Variants in EXOC4 observed in about 807,000 individuals in gnomAD.
EXOC4 encodes exocyst complex component 4.
In EXOC4, 71 loss-of-function variants were observed where a neutral mutation model predicts 107.2. That is an observed-to-expected ratio of 0.66 (90% CI 0.55 to 0.81). The LOEUF is 0.81. EXOC4 is among the 30% of genes least tolerant of loss of function. The pLI is 0.00. For missense variants in EXOC4, 1,108 were observed against 1,189.6 expected, an observed-to-expected ratio of 0.93 and a Z score of 1.01; for synonymous variants, 456 against 441.2, an observed-to-expected ratio of 1.03 and a Z score of -0.42.
Position 133,592,235 on chromosome 7 carries a change from A to T in EXOC4, c.1418-37810A>T, listed in dbSNP as rs182358364. 1.3e-3 allele frequency among the ~76,000 whole-genome samples: 205 copies of T among 151,936 alleles called. 5 individuals carry two copies. The South Asian group carries it at 0.028, about 20-fold the overall frequency. On this transcript the variant is annotated intron_variant, in intron 9 of 17. Coordinates refer to ENST00000253861, the MANE Select transcript of EXOC4 (RefSeq NM_021807.4). The stretch of plus-strand genomic sequence containing the variant: ...TGCCGCCACATCCAGTGAATTTTTT[A>T]AAAAAATTTCTGTATAGATGGGGTC...
intron 7 of EXOC4, among the ~76,000 whole-genome samples, chr7:133,384,668 A>C (rs1796686491): frequency 6.6e-6 from 1 of 150,928 alleles, no homozygotes; most frequent in Non-Finnish European, 1.5e-5. Flanking sequence ...TGCCTACTTG[A>C]GAAGGTTTTA....
chr7:134,038,042 A>G (rs1164431794), intron 17 of EXOC4, among the ~76,000 whole-genome samples: 3 of 152,222 alleles, frequency 2.0e-5, no homozygotes, highest in Admixed American at 2.0e-4. Flanking sequence ...GTCAAGACCC[A>G]GTGCAATCTA....
chr7:133,990,526 T>C (rs552800104), intron 14 of EXOC4, among the ~76,000 whole-genome samples: 1 of 152,172 alleles, frequency 6.6e-6, no homozygotes. Context: ...CTCGGCTCAC[T>C]GCAACCTCCT....
intron 13 of EXOC4, among the ~76,000 whole-genome samples, chr7:133,920,034 A>G (rs1004111337): frequency 6.6e-6 from 1 of 152,202 alleles, no homozygotes; most frequent in Non-Finnish European, 1.5e-5. Context: ...GTTTCTCCAC[A>G]TTCTTGCCAA....
At chr7:133,860,159 C>G (rs1414789939) in intron 11 of EXOC4, among the ~76,000 whole-genome samples, 3 of 152,122 alleles carry the variant, frequency 2.0e-5, no homozygotes, top group Admixed American at 6.6e-5. Flanking sequence ...TGAAAAAAAT[C>G]CAAAGCCTGT....
chr7:133,265,099 A>C (rs1332138293), intron 1 of EXOC4, among the ~76,000 whole-genome samples: 1 of 151,888 alleles, frequency 6.6e-6, no homozygotes, highest in Non-Finnish European at 1.5e-5. Flanking sequence ...TCAGCTCTAG[A>C]CTCTTTTTTT....
intron 11 of EXOC4, among the ~76,000 whole-genome samples, chr7:133,872,736 T>C (rs1798775616): frequency 6.6e-6 from 1 of 152,230 alleles, no homozygotes; most frequent in South Asian, 2.1e-4. Context: ...AGAATGTGTT[T>C]CCAAATTATA....
intron 9 of EXOC4, among the ~76,000 whole-genome samples, chr7:133,498,645 T>A (rs1584960335): frequency 6.6e-6 from 1 of 152,302 alleles, no homozygotes; most frequent in Middle Eastern, 3.4e-3. Flanking sequence ...AGGTTCTAAC[T>A]GCCATCATCT....
At position 133,756,898 on chromosome 7, in the gene EXOC4, C is replaced by T. The variant is rs59938901; in HGVS notation, c.1515-60427C>T. On this transcript the variant is annotated intron_variant, in intron 10 of 17. Transcript: ENST00000253861. ...ATCTGATTATTTAGTTTAGGAGAAT[C>T]GCTGTTGTCAAAGATGGTGACTCTG... Among the ~76,000 whole-genome samples the T allele has an allele frequency of 1.9e-3, 282 of 152,180 alleles. 4 individuals carry two copies. The highest frequency in any genetic ancestry group is 6.4e-3 in the African/African-American group (267 of 41,522).
At chr7:133,509,668 G>C (rs947678663) in intron 9 of EXOC4, among the ~76,000 whole-genome samples, 15 of 152,270 alleles carry the variant, frequency 9.9e-5, no homozygotes, top group Non-Finnish European at 1.8e-4. Context: ...TCCAGCCCTG[G>C]ACTATGTACT....
chr7:133,586,731 T>C (rs1801414121), intron 9 of EXOC4, among the ~76,000 whole-genome samples: 1 of 152,236 alleles, frequency 6.6e-6, no homozygotes, highest in Admixed American at 6.5e-5. Context: ...GACATACTCA[T>C]AGTACACAGT....
intron 9 of EXOC4, among the ~76,000 whole-genome samples, chr7:133,530,441 C>G (rs964600173): frequency 3.3e-5 from 5 of 152,138 alleles, no homozygotes; most frequent in Non-Finnish European, 7.3e-5. Context: ...GAGCACACAC[C>G]TGTACAGCAT....
At chr7:133,934,383 A>G (rs977747028) in intron 13 of EXOC4, among the ~76,000 whole-genome samples, 1 of 152,154 alleles carries the variant, frequency 6.6e-6, no homozygotes, top group Non-Finnish European at 1.5e-5. Context: ...TTAGGGGGTG[A>G]TTATGGATTC....
At chr7:133,803,422 G>A (rs1796994906) in intron 10 of EXOC4, among the ~76,000 whole-genome samples, 1 of 152,126 alleles carries the variant, frequency 6.6e-6, no homozygotes, top group African/African-American at 2.4e-5. Flanking sequence ...ATTCAGCTGA[G>A]TATAACATAC....
chr7:133,555,280 A>G (rs555125147), intron 9 of EXOC4, among the ~76,000 whole-genome samples: 20 of 152,198 alleles, frequency 1.3e-4, no homozygotes, highest in Non-Finnish European at 2.6e-4. Flanking sequence ...CACAGGTAAG[A>G]CATTTTATGT....
chr7:133,710,398 C>T (rs941136894), intron 10 of EXOC4, among the ~76,000 whole-genome samples: 20 of 152,144 alleles, frequency 1.3e-4, no homozygotes, highest in African/African-American at 4.1e-4. Flanking sequence ...CGGTGGCTCA[C>T]GCCTGTAATC....
At chr7:133,435,429 T>C (rs1454075437) in intron 7 of EXOC4, among the ~76,000 whole-genome samples, 9 of 152,198 alleles carry the variant, frequency 5.9e-5, no homozygotes, top group African/African-American at 9.6e-5. Context: ...TCAACTATTG[T>C]GGTATAAGCT....
chr7:134,054,872 C>G (rs1267333354), intron 17 of EXOC4, among the ~76,000 whole-genome samples: 1 of 152,218 alleles, frequency 6.6e-6, no homozygotes, highest in Non-Finnish European at 1.5e-5. Context: ...ATTAAACCTG[C>G]TGGATATTGT....
intron 10 of EXOC4, among the ~76,000 whole-genome samples, chr7:133,730,417 T>G (rs1795302313): frequency 6.6e-6 from 1 of 151,950 alleles, no homozygotes; most frequent in Non-Finnish European, 1.5e-5. Flanking sequence ...ATGTTCTAAA[T>G]TTTCATTATT....
Sources: allele counts gnomAD v4.1 joint callset (sites outside exome capture counted in the v4.1 genomes callset), GRCh38; gene constraint gnomAD v4.1.1; transcripts MANE v1.5; gene names NCBI Gene and HGNC (gene_info 2026-07-23, HGNC 2026-07-21).